THADA: variants seen among roughly 807,000 people sequenced by gnomAD.
The protein encoded by THADA is THADA armadillo repeat containing.
In THADA, 213 loss-of-function variants were observed where a neutral mutation model predicts 219.8. The ratio of observed to expected loss-of-function variants is 0.97; its 90% CI spans 0.87 to 1.09. THADA has a LOEUF of 1.09. Among genes scored for constraint, THADA ranks in the 50% least tolerant of loss-of-function variants. The pLI is 0.00. For synonymous variants in THADA, 1,018 were observed against 828.9 expected (o/e 1.23, Z -3.92); for missense variants, 2,956 against 2,311.3 (o/e 1.28, Z -5.72).
chr2:43,268,932 C>T (rs544508994), intron 36 of THADA, among the ~76,000 whole-genome samples: 26 of 152,258 alleles, frequency 1.7e-4, no homozygotes, highest in South Asian at 1.7e-3. Flanking sequence ...CAGGGACGAA[C>T]GAGAAAGGTG....
At chr2:43,323,079 A>AT (rs905934911) in intron 30 of THADA, among the ~76,000 whole-genome samples, 2 of 152,038 alleles carry the variant, frequency 1.3e-5, no homozygotes, top group African/African-American at 4.8e-5. Flanking sequence ...CTTTTCACTA[A>AT]TATGTTTTGG....
At chr2:43,471,800 C>T (rs1309169677) in intron 26 of THADA, among the ~76,000 whole-genome samples, 1 of 152,122 alleles carries the variant, frequency 6.6e-6, no homozygotes, top group African/African-American at 2.4e-5. Context: ...ATAAGACTTA[C>T]CTGTTCTGTA....
At chr2:43,439,110 T>G (rs529000326) in intron 26 of THADA, among the ~76,000 whole-genome samples, 1 of 152,184 alleles carries the variant, frequency 6.6e-6, no homozygotes, top group Admixed American at 6.5e-5. Context: ...AGTAACGAAA[T>G]CACAGAAAGC....
In THADA at chr2:43,570,451, G is replaced by C; in HGVS notation, c.2124C>G (p.Ser708=). 6.2e-7 allele frequency: 1 copy of C among 1,613,452 alleles called. No individual in the cohort carries two copies. Among genetic ancestry groups the C allele is most frequent in the Non-Finnish European group, 8.5e-7 (1 of 1,179,596 alleles). ...QVLYKLEQSK[S]KREPENELTK... ...TTAACTCATTCTCTGGTTCACGTTT[G>C]GATTTACTCTGCTCCAATTTATAAA... The change falls in exon 14 of 38, where the codon TCC becomes TCG. Residue 708 remains serine, a synonymous_variant. Coordinates refer to ENST00000405975, the MANE Select transcript of THADA (RefSeq NM_022065.5).
At position 43,578,537 on chromosome 2, in the gene THADA, G is replaced by A. The variant is rs954640773; in HGVS notation, c.792C>T (p.His264=). The A allele has an allele frequency of 6.2e-7, 1 of 1,611,838 alleles. No individual in the cohort carries two copies. ...CCAAATGAGGAATCTTTTCAGACGG[G>A]TGAAACATAGTCTTAATAAAAAGAA... is the stretch of plus-strand genomic sequence containing the variant. The part of the protein sequence containing the change: ...AIILFIKTMF[H]PSEKIPHLIS... The change falls in exon 9 of 38, where the codon CAC becomes CAT. Residue 264 remains histidine, a synonymous_variant. Coordinates refer to ENST00000405975, the MANE Select transcript of THADA (RefSeq NM_022065.5).
intron 28 of THADA, among the ~76,000 whole-genome samples, chr2:43,415,785 G>A (rs1676876215): frequency 1.3e-5 from 2 of 152,150 alleles, no homozygotes; most frequent in Non-Finnish European, 2.9e-5. Flanking sequence ...CAAGGAAGCT[G>A]CTCTGCTGGC....
intron 29 of THADA, among the ~76,000 whole-genome samples, chr2:43,353,835 T>TTTTTTTTTTG (rs1668563772): frequency 1.3e-5 from 2 of 151,530 alleles, no homozygotes; most frequent in Non-Finnish European, 1.5e-5. Flanking sequence ...TTTTTTTTTT[T>TTTTTTTTTTG]GAGATGTAGT....
intron 31 of THADA, among the ~76,000 whole-genome samples, chr2:43,296,774 G>C (rs1334792247): frequency 6.6e-6 from 1 of 152,160 alleles, no homozygotes; most frequent in Non-Finnish European, 1.5e-5. Context: ...ACATTCAAAA[G>C]GAATTTCATT....
intron 28 of THADA, among the ~76,000 whole-genome samples, chr2:43,402,898 G>C (rs986889791): frequency 6.6e-6 from 1 of 152,220 alleles, no homozygotes; most frequent in African/African-American, 2.4e-5. Flanking sequence ...GGTTTGGCAA[G>C]AAAGAAGTCC....
At chr2:43,591,853 T>C (rs903674344) in intron 3 of THADA, 99 bp downstream of exon 3, 23 of 666,506 alleles carry the variant, frequency 3.5e-5, no homozygotes, top group African/African-American at 1.1e-4. Context: ...TAAACTGATA[T>C]GCAATAATTA....
chr2:43,509,347 G>T (rs1690095109), intron 22 of THADA, among the ~76,000 whole-genome samples: 1 of 152,128 alleles, frequency 6.6e-6, no homozygotes, highest in Non-Finnish European at 1.5e-5. Context: ...GTGAGCTTCT[G>T]CATTATTACA....
At chr2:43,544,109 C>G (rs1695694019) in intron 20 of THADA, among the ~76,000 whole-genome samples, 1 of 152,182 alleles carries the variant, frequency 6.6e-6, no homozygotes, top group Non-Finnish European at 1.5e-5. Context: ...GTTTTCCCAG[C>G]ACCATTTATT....
chr2:43,426,516 C>T (rs1394154083), intron 28 of THADA, among the ~76,000 whole-genome samples: 1 of 152,096 alleles, frequency 6.6e-6, no homozygotes, highest in Non-Finnish European at 1.5e-5. Flanking sequence ...AATTTACCAC[C>T]CAAATTCCTA....
chr2:43,552,393 A>G, intron 17 of THADA, 54 bp from the exon 18 acceptor site: 2 of 1,534,436 alleles, frequency 1.3e-6, no homozygotes, highest in Non-Finnish European at 1.8e-6. Context: ...ACATTTGTAA[A>G]TGTACGAACA....
chr2:43,344,923 T>G (rs879346051), intron 29 of THADA, among the ~76,000 whole-genome samples: 6 of 152,018 alleles, frequency 3.9e-5, no homozygotes, highest in Admixed American at 6.5e-5. Context: ...CTGTGAGGAG[T>G]ACAAATCTAT....
intron 29 of THADA, among the ~76,000 whole-genome samples, chr2:43,389,050 G>A (rs1181644699): frequency 2.0e-5 from 3 of 152,020 alleles, no homozygotes; most frequent in African/African-American, 7.3e-5. Context: ...CCCACTTCCC[G>A]CATATTAACT....
In THADA at chr2:43,364,957, CT is replaced by C. The variant is rs111298149; in HGVS notation, c.4228-20721del. On this transcript the variant is annotated intron_variant, in intron 29 of 37. Transcript: ENST00000405975. ...AAGTAGGGAATTAAGTTAATCTCATCTTTTTTTTTTTTTTTTTGAGACGGAG... is the reference window on the plus strand; with the variant it reads ...AAGTAGGGAATTAAGTTAATCTCATCTTTTTTTTTTTTTTTTGAGACGGAG... 3.5e-3 allele frequency among the ~76,000 whole-genome samples: 479 copies of C among 135,878 alleles called. 1 individual carries two copies. The highest frequency in any genetic ancestry group is 5.8e-3 in the African/African-American group (216 of 37,286). The allele number at this position is 135,878 out of a possible 152,430, so 89.1% of individuals were successfully genotyped here.
rs756534688 is a variant in THADA, at chr2:43,581,850, T to G, written c.612A>C (p.Leu204Phe). Residue 204 changes from leucine to phenylalanine, a missense_variant, in exon 8 of 38, where the codon TTA (leucine) becomes TTC (phenylalanine). Physicochemically the swap from Leu to Phe is conservative, Grantham distance 22. Transcript: ENST00000405975. ...LLVGIRVSMM[L>F]VQKVQDFQGN... ...CCTGGAAATCTTGTACTTTCTGTAC[T>G]AACATCATTGAAACTCTAATGCCTA... The G allele has an allele frequency of 6.2e-7, 1 of 1,612,372 alleles. No individual in the cohort carries two copies. The highest frequency in any genetic ancestry group is 2.2e-5 in the East Asian group (1 of 44,800).
At chr2:43,245,072 C>A (rs547665617) in intron 36 of THADA, among the ~76,000 whole-genome samples, 1 of 152,170 alleles carries the variant, frequency 6.6e-6, no homozygotes, top group Admixed American at 6.5e-5. Flanking sequence ...ACATTCCTCA[C>A]TGACCAGCCT....
Sources: gnomAD v4.1 joint callset for allele counts (sites outside exome capture counted in the v4.1 genomes callset) on GRCh38, gnomAD v4.1.1 for gene constraint, MANE v1.5 for transcripts, NCBI Gene and HGNC (gene_info 2026-07-23, HGNC 2026-07-21) for gene names.